Variants in MINDY4 observed in about 807,000 individuals in gnomAD.
MINDY4 encodes MINDY lysine 48 deubiquitinase 4.
In MINDY4, 68 loss-of-function variants were observed where a neutral mutation model predicts 87.0. The observed-to-expected ratio is 0.78, with a 90% CI of 0.64 to 0.96. The LOEUF is 0.96. Among genes scored for constraint, MINDY4 ranks in the 40% least tolerant of loss-of-function variants. MINDY4 has a pLI of 0.00. For synonymous variants in MINDY4, 379 were observed against 363.2 expected (o/e 1.04, Z -0.50); for missense variants, 919 against 928.2 (o/e 0.99, Z 0.13).
chr7:30,884,547 G>A lies in MINDY4; in HGVS notation c.2225+1554G>A, dbSNP rs141005246. On this transcript the variant is annotated intron_variant, in intron 17 of 17. Coordinates refer to ENST00000265299, the MANE Select transcript of MINDY4 (RefSeq NM_032222.3). The stretch of plus-strand genomic sequence containing the variant: ...CACAGGGCATCCTTCCTGCAGGTGG[G>A]CCTGTTGAGCAGGGCTCCAACACCC... 5.1e-3 allele frequency among the ~76,000 whole-genome samples: 774 copies of A among 152,280 alleles called. 2 individuals carry two copies. Among genetic ancestry groups the A allele is most frequent in the Non-Finnish European group, 8.6e-3 (588 of 68,016 alleles).
chr7:30,811,250 T>G (rs1245679140), intron 5 of MINDY4, among the ~76,000 whole-genome samples: 1 of 152,180 alleles, frequency 6.6e-6, no homozygotes, highest in Non-Finnish European at 1.5e-5. Context: ...ACAGACACCC[T>G]TCCTGTGGAA....
chr7:30,890,188 G>A (rs1790756278), intron 17 of MINDY4, among the ~76,000 whole-genome samples: 1 of 152,214 alleles, frequency 6.6e-6, no homozygotes, highest in African/African-American at 2.4e-5. Context: ...GCATCCACCT[G>A]TTTCAACCTT....
chr7:30,830,571 G>A (rs1387763296), intron 6 of MINDY4, among the ~76,000 whole-genome samples: 3 of 152,144 alleles, frequency 2.0e-5, no homozygotes, highest in African/African-American at 7.2e-5. Context: ...CCAGCAAAAG[G>A]GGGAAAAGTC....
At chr7:30,805,437 C>G (rs1484334807) in intron 5 of MINDY4, among the ~76,000 whole-genome samples, 2 of 152,150 alleles carry the variant, frequency 1.3e-5, no homozygotes, top group Non-Finnish European at 2.9e-5. Flanking sequence ...TTGGGAGGAG[C>G]TGGCATGGGC....
At chr7:30,878,045 T>A (rs2128580433) in intron 15 of MINDY4, among the ~76,000 whole-genome samples, 1 of 151,840 alleles carries the variant, frequency 6.6e-6, no homozygotes, top group African/African-American at 2.4e-5. Context: ...CCCTACACAG[T>A]TAGCCACATT....
At chr7:30,849,122 G>A (rs1303604618) in intron 9 of MINDY4, among the ~76,000 whole-genome samples, 4 of 152,126 alleles carry the variant, frequency 2.6e-5, no homozygotes, top group African/African-American at 9.6e-5. Context: ...TGTGTCCCAG[G>A]CACTGGGCAG....
At chr7:30,849,438 A>G (rs1364804142) in intron 9 of MINDY4, among the ~76,000 whole-genome samples, 1 of 152,204 alleles carries the variant, frequency 6.6e-6, no homozygotes, top group African/African-American at 2.4e-5. Context: ...TGGGAATATG[A>G]AATGGAAAGA....
rs774772899 is a variant in MINDY4 at position 30,771,569 on chromosome 7, C to T, written c.63+13C>T. 5 of 1,583,112 alleles carry T rather than the reference C, an allele frequency of 3.2e-6. No homozygotes were observed. In the Admixed American group the frequency reaches 5.6e-5, roughly 18 times the overall value. On this transcript the variant is annotated intron_variant, in intron 1 of 17. Coordinates refer to ENST00000265299, the MANE Select transcript of MINDY4 (RefSeq NM_032222.3). ...CCTCAGCAGAAAGGTAACGGCTCGC[C>T]CCCTCCAAAGCCCAGGAAGTGGCTC... is the stretch of plus-strand genomic sequence containing the variant.
chr7:30,892,038 A>G lies in MINDY4; in HGVS notation c.*33A>G, dbSNP rs1394651963. On this transcript the variant is annotated 3_prime_UTR_variant, in exon 18 of 18. Coordinates refer to ENST00000265299, the MANE Select transcript of MINDY4 (RefSeq NM_032222.3). ...ATGTGGGTAAACCCTGTGGTCCACC[A>G]CTCATCACCTCATCACCGAGGATGA... 2 of 1,611,804 alleles carry G rather than the reference A, an allele frequency of 1.2e-6. No homozygotes were observed. Among genetic ancestry groups the G allele is most frequent in the Non-Finnish European group, 1.7e-6 (2 of 1,178,092 alleles).
At chr7:30,809,044 T>G (rs1252626280) in intron 5 of MINDY4, among the ~76,000 whole-genome samples, 2 of 149,900 alleles carry the variant, frequency 1.3e-5, no homozygotes, top group East Asian at 2.0e-4. Flanking sequence ...AAGAGAGAGA[T>G]ATATAAGTAG....
At chr7:30,860,866 T>G (rs1789738071) in intron 13 of MINDY4, among the ~76,000 whole-genome samples, 1 of 152,086 alleles carries the variant, frequency 6.6e-6, no homozygotes, top group Admixed American at 6.5e-5. Flanking sequence ...GGGGAATTAG[T>G]GTGGGGAATG....
intron 6 of MINDY4, among the ~76,000 whole-genome samples, chr7:30,836,225 A>G (rs1388984454): frequency 1.3e-5 from 2 of 152,222 alleles, no homozygotes; most frequent in East Asian, 3.8e-4. Context: ...TTTCTTTCCC[A>G]GTCCTGTCCT....
At chr7:30,841,507 C>G (rs1789037380) in intron 9 of MINDY4, among the ~76,000 whole-genome samples, 1 of 152,210 alleles carries the variant, frequency 6.6e-6, no homozygotes, top group East Asian at 1.9e-4. Flanking sequence ...TGGCAGGGCA[C>G]TGGTGGGGCT....
chr7:30,884,583 C>T (rs1157181975), intron 17 of MINDY4, among the ~76,000 whole-genome samples: 2 of 152,192 alleles, frequency 1.3e-5, no homozygotes, highest in African/African-American at 2.4e-5. Context: ...TGGACACAGC[C>T]GCAGCTTGCC....
rs576046272 is a variant in MINDY4, at chr7:30,864,068, G to T, written c.1745+4744G>T. Among the ~76,000 whole-genome samples, 3 of 152,318 alleles carry T rather than the reference G, an allele frequency of 2.0e-5. No homozygotes were observed. In the South Asian group the frequency reaches 6.2e-4, roughly 32 times the overall value. On this transcript the variant is annotated intron_variant, in intron 13 of 17. Transcript: ENST00000265299. Reference sequence around the variant, plus strand: ...ATTGAGGCCCTGAGAAGGTCCAGTGGGGGTGAAAACCTTTTCATGCAGTAG... The same window carrying T: ...ATTGAGGCCCTGAGAAGGTCCAGTGTGGGTGAAAACCTTTTCATGCAGTAG...
intron 7 of MINDY4, among the ~76,000 whole-genome samples, chr7:30,837,158 G>A (rs1418197614): frequency 1.3e-5 from 2 of 152,148 alleles, no homozygotes; most frequent in African/African-American, 2.4e-5. Flanking sequence ...AGGACAGGGA[G>A]GTGTTAACAA....
chr7:30,777,822 A>T (rs996550332), intron 1 of MINDY4, among the ~76,000 whole-genome samples: 1 of 152,222 alleles, frequency 6.6e-6, no homozygotes, highest in East Asian at 1.9e-4. Context: ...GCACTTGCGA[A>T]CAGGACCCTC....
At chr7:30,856,230 G>T (rs1789565683) in intron 12 of MINDY4, among the ~76,000 whole-genome samples, 2 of 152,154 alleles carry the variant, frequency 1.3e-5, no homozygotes, top group Admixed American at 1.3e-4. Flanking sequence ...TTTCAGGCCA[G>T]TTGCCTTGCC....
chr7:30,814,255 T>C (rs1277302264), intron 5 of MINDY4, among the ~76,000 whole-genome samples: 2 of 152,222 alleles, frequency 1.3e-5, no homozygotes, highest in African/African-American at 4.8e-5. Flanking sequence ...AAGCTTAAGC[T>C]TCATTAGCTT....
Sources: gnomAD v4.1 joint callset for allele counts (sites outside exome capture counted in the v4.1 genomes callset) on GRCh38, gnomAD v4.1.1 for gene constraint, MANE v1.5 for transcripts, NCBI Gene and HGNC (gene_info 2026-07-23, HGNC 2026-07-21) for gene names.